The following CSMD1 variants were observed in gnomAD, a reference collection of about 807,000 sequenced individuals.
CSMD1 encodes the protein CUB and sushi domain-containing protein 1.
CSMD1 carries 213 observed loss-of-function variants against 417.5 expected under a neutral mutation model. The ratio of observed to expected loss-of-function variants is 0.51; its 90% CI spans 0.46 to 0.57. The LOEUF (loss-of-function observed/expected upper bound fraction) is 0.57, where lower values mean the gene tolerates loss of function less well. CSMD1 is among the 20% of genes least tolerant of loss of function. The pLI is 0.00. For synonymous variants in CSMD1, 2,862 were observed against 1,736.8 expected (o/e 1.65, Z -16.11); for missense variants, 6,923 against 4,529.7 (o/e 1.53, Z -15.17).
At chr8:3,752,082 G>A (rs1331018199) in intron 6 of CSMD1, among the ~76,000 whole-genome samples, 1 of 152,024 alleles carries the variant, frequency 6.6e-6, no homozygotes, top group East Asian at 1.9e-4. Context: ...CACCCAGCCT[G>A]GGTGTGCACC....
intron 2 of CSMD1, among the ~76,000 whole-genome samples, chr8:4,604,413 G>GCA (rs1800762633): frequency 1.3e-5 from 2 of 151,258 alleles, no homozygotes; most frequent in East Asian, 3.9e-4. Context: ...GTGTGTGTGC[G>GCA]CGTGCGTAAA....
intron 3 of CSMD1, among the ~76,000 whole-genome samples, chr8:4,038,987 G>C (rs527359369): frequency 1.3e-5 from 2 of 152,312 alleles, no homozygotes; most frequent in African/African-American, 2.4e-5. Flanking sequence ...CTTTAACCCA[G>C]CTGTTTCAAT....
chr8:4,370,577 G>C (rs1034217983), intron 3 of CSMD1, among the ~76,000 whole-genome samples: 1 of 152,244 alleles, frequency 6.6e-6, no homozygotes, highest in East Asian at 1.9e-4. Flanking sequence ...ATAACAATGA[G>C]TTGTGTTTGG....
intron 5 of CSMD1, among the ~76,000 whole-genome samples, chr8:3,857,440 A>G (rs988333134): frequency 6.6e-6 from 1 of 152,232 alleles, no homozygotes; most frequent in African/African-American, 2.4e-5. Context: ...AATCCAAGCC[A>G]GATGGGACCT....
At chr8:4,583,258 G>A (rs1451309646) in intron 2 of CSMD1, among the ~76,000 whole-genome samples, 1 of 152,218 alleles carries the variant, frequency 6.6e-6, no homozygotes, top group African/African-American at 2.4e-5. Context: ...TGCAGCCGTG[G>A]TGCGGGACCC....
At chr8:4,232,259 C>T (rs1801781805) in intron 3 of CSMD1, among the ~76,000 whole-genome samples, 1 of 152,134 alleles carries the variant, frequency 6.6e-6, no homozygotes, top group Non-Finnish European at 1.5e-5. Flanking sequence ...AGTGCAGTGG[C>T]ACGATCTTGG....
At chr8:4,305,821 C>A (rs1329430972) in intron 3 of CSMD1, among the ~76,000 whole-genome samples, 1 of 152,158 alleles carries the variant, frequency 6.6e-6, no homozygotes, top group South Asian at 2.1e-4. Context: ...AAAACAACCT[C>A]TCATACTGTA....
chr8:3,229,988 C>T, intron 27 of CSMD1, 52 bp downstream of exon 27: 1 of 1,289,346 alleles, frequency 7.8e-7, no homozygotes, highest in Middle Eastern at 2.0e-4. Context: ...CTTTTAACGA[C>T]AACATGCATC....
chr8:3,091,408 C>G, intron 48 of CSMD1, 108 bp downstream of exon 48: 1 of 759,856 alleles, frequency 1.3e-6, no homozygotes, highest in East Asian at 3.1e-5. Context: ...AATTATTAAT[C>G]TTTAAGAATT....
intron 5 of CSMD1, among the ~76,000 whole-genome samples, chr8:3,832,802 G>T (rs754234578): frequency 6.6e-6 from 1 of 151,980 alleles, no homozygotes; most frequent in Admixed American, 6.6e-5. Context: ...AAATACCTTC[G>T]CCTTATTAAA....
chr8:4,486,678 C>T (rs944273013), intron 2 of CSMD1, among the ~76,000 whole-genome samples: 1 of 151,984 alleles, frequency 6.6e-6, no homozygotes, highest in Non-Finnish European at 1.5e-5. Flanking sequence ...AGTTTGGCCA[C>T]TTTGAATTAA....
chr8:4,840,284 T>C (rs1309723936), intron 1 of CSMD1, among the ~76,000 whole-genome samples: 1 of 76,582 alleles, frequency 1.3e-5, no homozygotes, highest in Non-Finnish European at 3.1e-5. Context: ...CTTTAAGATG[T>C]TTTGCTACTG....
chr8:4,575,018 A>G (rs2130672075), intron 2 of CSMD1, among the ~76,000 whole-genome samples: 1 of 152,312 alleles, frequency 6.6e-6, no homozygotes, highest in East Asian at 1.9e-4. Flanking sequence ...AAATAAAAGG[A>G]GAAAGGGCCC....
intron 3 of CSMD1, among the ~76,000 whole-genome samples, chr8:4,032,686 C>G (rs72624015): frequency 0.15 from 22,416 of 152,144 alleles, 2,316 homozygotes; most frequent in East Asian, 0.36. Flanking sequence ...GTATTCCAGG[C>G]CAGCAGCCAG....
intron 3 of CSMD1, among the ~76,000 whole-genome samples, chr8:4,240,594 A>G (rs756712843): frequency 6.6e-6 from 1 of 151,968 alleles, no homozygotes; most frequent in Non-Finnish European, 1.5e-5. Flanking sequence ...CTCAAAATGA[A>G]CTCCTTTCAC....
intron 42 of CSMD1, among the ~76,000 whole-genome samples, chr8:3,111,257 G>C (rs1331015236): frequency 6.6e-6 from 1 of 152,182 alleles, no homozygotes; most frequent in Non-Finnish European, 1.5e-5. Flanking sequence ...AATATACCAT[G>C]AGGCGGGATA....
intron 3 of CSMD1, among the ~76,000 whole-genome samples, chr8:4,122,562 A>C (rs1049182602): frequency 6.6e-6 from 1 of 152,180 alleles, no homozygotes; most frequent in African/African-American, 2.4e-5. Flanking sequence ...GTGCTTTCCC[A>C]ATGTTTGGAG....
intron 4 of CSMD1, among the ~76,000 whole-genome samples, chr8:4,002,449 T>C (rs536245154): frequency 2.6e-5 from 4 of 152,294 alleles, no homozygotes; most frequent in African/African-American, 9.6e-5. Context: ...TAAAAATAAA[T>C]CAGTTTGTTT....
intron 18 of CSMD1, among the ~76,000 whole-genome samples, chr8:3,384,379 A>G (rs1810836375): frequency 6.6e-6 from 1 of 151,906 alleles, no homozygotes; most frequent in South Asian, 2.1e-4. Flanking sequence ...TCCCTTTTCT[A>G]CAAAATGGAA....
Sources: allele counts gnomAD v4.1 joint callset (sites outside exome capture counted in the v4.1 genomes callset), GRCh38; gene constraint gnomAD v4.1.1; transcripts MANE v1.5; gene names NCBI Gene and HGNC (gene_info 2026-07-23, HGNC 2026-07-21).